Variants in CDCA2 observed in about 807,000 individuals in gnomAD.
The protein encoded by CDCA2 is cell division cycle associated 2, also known as cell division cycle-associated protein 2.
A neutral mutation model predicts 67.0 loss-of-function variants in CDCA2; 44 were observed. That is an observed-to-expected ratio of 0.66 (90% CI 0.52 to 0.84). The LOEUF (loss-of-function observed/expected upper bound fraction) is 0.84. Among genes scored for constraint, CDCA2 ranks in the 40% least tolerant of loss-of-function variants. The pLI, the probability that CDCA2 is intolerant of heterozygous loss-of-function variation, is 0.00. For synonymous variants in CDCA2, 447 were observed against 418.7 expected, an observed-to-expected ratio of 1.07 and a Z score of -0.82; for missense variants, 1,253 against 1,203.2, an observed-to-expected ratio of 1.04 and a Z score of -0.61.
At chr8:25,480,985 C>A (rs1347890786) in intron 8 of CDCA2, among the ~76,000 whole-genome samples, 2 of 152,044 alleles carry the variant, frequency 1.3e-5, no homozygotes, top group Admixed American at 1.3e-4. Context: ...TTTTTTCAAA[C>A]CATAAGCATT....
chr8:25,468,153 AT>A (rs1039023871), intron 5 of CDCA2, 63 bp from the exon 6 acceptor site: 11 of 707,722 alleles, frequency 1.6e-5, no homozygotes, highest in African/African-American at 9.3e-5. Context: ...AAGAAAAAAA[AT>A]ATATATAATA....
In CDCA2 at chr8:25,507,490, G is replaced by A. The variant is rs1405083781; in HGVS notation, c.2824G>A (p.Val942Met). 7 of 1,613,638 alleles carry A rather than the reference G, an allele frequency of 4.3e-6. No individual in the cohort carries two copies. The African/African-American group carries it at 9.4e-5, about 22-fold the overall frequency. ...FESMSPIKET[V>M]SSRQKPQMAP... The stretch of plus-strand genomic sequence containing the variant: ...AAGTATGTCTCCCATAAAAGAAACT[G>A]TGTCCTCCAGACAAAAACCGCAGAT... The change falls in exon 15 of 15, where the codon GTG becomes ATG. Residue 942 changes from valine (V) to methionine (M), a missense_variant. Physicochemically the swap from Val to Met is conservative, Grantham distance 21. Transcript: ENST00000330560.
At chr8:25,475,676 T>A (rs1563266929) in intron 7 of CDCA2, among the ~76,000 whole-genome samples, 2 of 152,284 alleles carry the variant, frequency 1.3e-5, no homozygotes, top group African/African-American at 2.4e-5. Flanking sequence ...ACCCAGGCTG[T>A]GTGGGGAAGC....
intron 10 of CDCA2, among the ~76,000 whole-genome samples, chr8:25,485,428 G>T (rs996242448): frequency 7.2e-5 from 11 of 151,930 alleles, no homozygotes; most frequent in African/African-American, 2.7e-4. Flanking sequence ...ACGTTAGATT[G>T]TGTTTATGAA....
intron 5 of CDCA2, 35 bp downstream of exon 5, chr8:25,466,360 A>G (rs369256684): frequency 2.7e-5 from 41 of 1,526,204 alleles, no homozygotes; most frequent in Middle Eastern, 1.7e-4. Context: ...TTTGACTTCA[A>G]TATTTATAAA....
chr8:25,498,453 A>ACCCCCC (rs60633246), intron 13 of CDCA2, among the ~76,000 whole-genome samples: 1 of 76,666 alleles, frequency 1.3e-5, no homozygotes, highest in East Asian at 4.8e-4. Context: ...GGTAATCTGC[A>ACCCCCC]CCCCCCCCCC....
intron 7 of CDCA2, among the ~76,000 whole-genome samples, chr8:25,470,576 A>G (rs1428828513): frequency 6.6e-6 from 1 of 152,140 alleles, no homozygotes; most frequent in African/African-American, 2.4e-5. Context: ...ATTGCTCTGT[A>G]ATCTTTCATA....
At chr8:25,487,584 A>G (rs1306584949) in intron 12 of CDCA2, among the ~76,000 whole-genome samples, 1 of 152,088 alleles carries the variant, frequency 6.6e-6, no homozygotes, top group African/African-American at 2.4e-5. Context: ...TACTAGAAAT[A>G]CCAAAAAAAT....
At chr8:25,464,923 G>A (rs2117479705) in intron 4 of CDCA2, among the ~76,000 whole-genome samples, 1 of 152,214 alleles carries the variant, frequency 6.6e-6, no homozygotes, top group Middle Eastern at 3.4e-3. Flanking sequence ...TGTGTGAACA[G>A]ATCACCATCA....
intron 12 of CDCA2, 125 bp from the exon 13 acceptor site, chr8:25,488,427 G>T: frequency 1.2e-6 from 1 of 803,976 alleles, no homozygotes. Context: ...TAAGGTTTGT[G>T]AATTAAGAAT....
At chr8:25,482,305 G>A (rs1803601941) in intron 8 of CDCA2, among the ~76,000 whole-genome samples, 2 of 152,186 alleles carry the variant, frequency 1.3e-5, no homozygotes, top group African/African-American at 4.8e-5. Flanking sequence ...ATGTTTAAAA[G>A]ACAGAACACG....
chr8:25,497,458 G>C (rs1253328984), intron 13 of CDCA2, among the ~76,000 whole-genome samples: 1 of 142,104 alleles, frequency 7.0e-6, no homozygotes, highest in Non-Finnish European at 1.5e-5. Context: ...CAGGCACAGA[G>C]AGACAAGAAG....
At chr8:25,472,475 T>C (rs1218427828) in intron 7 of CDCA2, among the ~76,000 whole-genome samples, 1 of 152,108 alleles carries the variant, frequency 6.6e-6, no homozygotes, top group Non-Finnish European at 1.5e-5. Flanking sequence ...GATCTTGAAC[T>C]CCTGACCTCA....
intron 7 of CDCA2, among the ~76,000 whole-genome samples, chr8:25,471,357 T>TTTCTTC (rs60138416): frequency 0.6 from 91,267 of 151,072 alleles, 27,759 homozygotes; most frequent in Middle Eastern, 0.65. Context: ...CAATGTTTTC[T>TTTCTTC]TTCTTCTTCT....
intron 3 of CDCA2, among the ~76,000 whole-genome samples, chr8:25,461,243 G>A (rs1398675849): frequency 7.2e-6 from 1 of 139,782 alleles, no homozygotes; most frequent in Non-Finnish European, 1.5e-5. Flanking sequence ...TTCCAGCCTG[G>A]GCAACAAGAG....
intron 7 of CDCA2, 127 bp from the exon 8 acceptor site, chr8:25,479,786 A>G (rs1803494537): frequency 2.5e-6 from 2 of 806,066 alleles, no homozygotes; most frequent in Middle Eastern, 3.7e-4. Context: ...TTACTGCCCA[A>G]TCAGGTTATA....
intron 5 of CDCA2, 94 bp from the exon 6 acceptor site, chr8:25,468,118 CAAAAA>C (rs60060887): frequency 2.2e-4 from 35 of 159,758 alleles, no homozygotes; most frequent in South Asian, 5.4e-4. Context: ...AACTCCGTCT[CAAAAA>C]AAAAAAAAAA....
rs372635701 is a variant in CDCA2 at position 25,507,357 on chromosome 8, G to A, written c.2691G>A (p.Gln897=). The change falls in exon 15 of 15, where the codon CAG becomes CAA. Residue 897 remains glutamine (Q), a synonymous_variant. Transcript: ENST00000330560. ...ETKVRRSTRL[Q]KDLENEGLVW... ...AAGTGCGACGTAGCACGAGGCTACA[G>A]AAGGATTTAGAAAACGAAGGTCTTG... 63 of 1,613,282 alleles carry A rather than the reference G, an allele frequency of 3.9e-5. No homozygotes were observed. The highest frequency in any genetic ancestry group is 2.2e-4 in the Admixed American group (13 of 59,832).
intron 13 of CDCA2, among the ~76,000 whole-genome samples, chr8:25,496,356 A>G (rs552228589): frequency 2.0e-5 from 3 of 152,294 alleles, no homozygotes; most frequent in African/African-American, 7.2e-5. Flanking sequence ...ATAAAATTTG[A>G]GCTCTATTTC....
Sources: gnomAD v4.1 joint callset for allele counts (sites outside exome capture counted in the v4.1 genomes callset) on GRCh38, gnomAD v4.1.1 for gene constraint, MANE v1.5 for transcripts, NCBI Gene and HGNC (gene_info 2026-07-23, HGNC 2026-07-21) for gene names.